Variants in CFHR5 observed in about 807,000 individuals in gnomAD.
The protein encoded by CFHR5 is complement factor H-related protein 5.
A neutral mutation model predicts 62.9 loss-of-function variants in CFHR5; 73 were observed. That is an observed-to-expected ratio of 1.16 (90% CI 0.96 to 1.41). The LOEUF is 1.41. Among genes scored for constraint, CFHR5 ranks in the 40% most tolerant of loss-of-function variants. The pLI is 0.00. For synonymous variants in CFHR5, 249 were observed against 227.2 expected (o/e 1.10, Z -0.86); for missense variants, 779 against 679.9 (o/e 1.15, Z -1.62).
intron 8 of CFHR5, among the ~76,000 whole-genome samples, chr1:197,003,452 A>G (rs1170600108): frequency 6.6e-6 from 1 of 152,150 alleles, no homozygotes; most frequent in African/African-American, 2.4e-5. Flanking sequence ...CACACAAGGA[A>G]AAAAGAGCCT....
At chr1:196,976,715 C>T (rs765658790), upstream of CFHR5, among the ~76,000 whole-genome samples, 1 of 151,692 alleles carries the variant, frequency 6.6e-6, no homozygotes, top group Non-Finnish European at 1.5e-5. Context: ...TAGCCATTCT[C>T]GAAGTCCCAC....
At position 196,993,357 on chromosome 1, in the gene CFHR5, C is replaced by G. The variant is rs571450088; in HGVS notation, c.431-723C>G. Among the ~76,000 whole-genome samples, 6 of 152,116 alleles carry G rather than the reference C, an allele frequency of 3.9e-5. No individual in the cohort carries two copies. In the South Asian group the frequency reaches 1.2e-3, roughly 32 times the overall value. On this transcript the variant is annotated intron_variant, in intron 3 of 9. Coordinates refer to ENST00000256785, the MANE Select transcript of CFHR5 (RefSeq NM_030787.4). ...TCACCCAGGCTGGAGTGTAGTGGTG[C>G]GATCTCGGCTCACTGCAACCTCCGC...
Position 196,978,023 on chromosome 1 carries a change from A to G in CFHR5, c.58+301A>G, listed in dbSNP as rs112687624. 3.5e-4 allele frequency among the ~76,000 whole-genome samples: 54 copies of G among 152,326 alleles called. 1 individual carries two copies. Among genetic ancestry groups the G allele is most frequent in the African/African-American group, 1.3e-3 (52 of 41,590 alleles). The stretch of plus-strand genomic sequence containing the variant: ...AATAAAGATGACAAGGTGAAATATT[A>G]GTGTAATTCTGCATAAACTCTGCAA... On this transcript the variant is annotated intron_variant, in intron 1 of 9. Transcript: ENST00000256785.
At chr1:196,997,149 A>G (rs1191194584) in intron 6 of CFHR5, among the ~76,000 whole-genome samples, 1 of 152,026 alleles carries the variant, frequency 6.6e-6, no homozygotes, top group Non-Finnish European at 1.5e-5. Flanking sequence ...GGACTTTTGG[A>G]TAATCAACTG....
At chr1:197,002,144 G>A (rs984231241) in intron 7 of CFHR5, among the ~76,000 whole-genome samples, 2 of 151,734 alleles carry the variant, frequency 1.3e-5, no homozygotes, top group South Asian at 2.1e-4. Flanking sequence ...ATAACTTTTT[G>A]AATCATATGG....
chr1:196,979,387 C>A (rs1419857719), intron 1 of CFHR5, among the ~76,000 whole-genome samples: 1 of 151,658 alleles, frequency 6.6e-6, no homozygotes, highest in Non-Finnish European at 1.5e-5. Flanking sequence ...TTACACAAAC[C>A]TAGATTGTAT....
chr1:197,006,366 T>G (rs1184241744), intron 9 of CFHR5, among the ~76,000 whole-genome samples: 2 of 151,966 alleles, frequency 1.3e-5, no homozygotes, highest in African/African-American at 4.8e-5. Context: ...AAATGTAAAA[T>G]AATTTTATTT....
intron 1 of CFHR5, among the ~76,000 whole-genome samples, chr1:196,982,677 C>CA (rs34187357): frequency 0.18 from 26,714 of 145,004 alleles, 3,947 homozygotes; most frequent in African/African-American, 0.42. Flanking sequence ...AACTCCCTCT[C>CA]AAAAAAAAAA....
chr1:196,996,310 C>T, intron 6 of CFHR5, 109 bp downstream of exon 6: 2 of 837,626 alleles, frequency 2.4e-6, no homozygotes, highest in Non-Finnish European at 4.0e-6. Context: ...ACTGACTCTT[C>T]CTTCCACAAG....
intron 9 of CFHR5, among the ~76,000 whole-genome samples, chr1:197,007,324 A>C (rs912133387): frequency 5.3e-5 from 8 of 152,248 alleles, no homozygotes; most frequent in African/African-American, 1.9e-4. Context: ...ATTTATGGAG[A>C]ATATTCTCAG....
At chr1:196,991,698 CTGCAGAACAGCAAATAT>C (rs1386214943) in intron 3 of CFHR5, among the ~76,000 whole-genome samples, 71 of 152,196 alleles carry the variant, frequency 4.7e-4, no homozygotes, top group Non-Finnish European at 2.2e-4. Context: ...CCAGCAGAGG[CTGCAGAACAGCAAATAT>C]TGCAGAACAG....
At chr1:197,002,899 T>C (rs1654190793) in intron 8 of CFHR5, among the ~76,000 whole-genome samples, 1 of 152,230 alleles carries the variant, frequency 6.6e-6, no homozygotes, top group Non-Finnish European at 1.5e-5. Flanking sequence ...ATCTTTTCTA[T>C]CATATTTTTA....
upstream of CFHR5, among the ~76,000 whole-genome samples, chr1:196,976,403 G>C (rs1286018959): frequency 6.6e-5 from 10 of 152,016 alleles, no homozygotes; most frequent in African/African-American, 2.4e-4. Context: ...GGATCCTCGG[G>C]CATGGACCTT....
intron 3 of CFHR5, among the ~76,000 whole-genome samples, chr1:196,990,669 T>C (rs1322036381): frequency 6.6e-6 from 1 of 152,172 alleles, no homozygotes; most frequent in Non-Finnish European, 1.5e-5. Flanking sequence ...GGTTGAAAAT[T>C]CTTGTCTTTA....
chr1:196,995,877 G>T lies in CFHR5; in HGVS notation c.768G>T (p.Trp256Cys), dbSNP rs200899274. 1 of 1,613,192 alleles carries T rather than the reference G, an allele frequency of 6.2e-7. No homozygotes were observed. Among genetic ancestry groups the T allele is most frequent in the Non-Finnish European group, 8.5e-7 (1 of 1,179,416 alleles). ...PKKIQCVDGE[W>C]TTLPTCVEQV... Reference sequence around the variant, plus strand: ...AAATACAATGTGTGGATGGAGAATGGACAACTTTACCCACTTGTGTTGGTA... The same window carrying T: ...AAATACAATGTGTGGATGGAGAATGTACAACTTTACCCACTTGTGTTGGTA... The change falls in exon 5 of 10, where the codon TGG becomes TGT. Residue 256 changes from tryptophan to cysteine, a missense_variant. Trp to Cys is a radical substitution (Grantham distance 215). Coordinates refer to ENST00000256785, the MANE Select transcript of CFHR5 (RefSeq NM_030787.4).
At chr1:196,983,579 T>C (rs1368429056) in intron 2 of CFHR5, among the ~76,000 whole-genome samples, 1 of 151,982 alleles carries the variant, frequency 6.6e-6, no homozygotes, top group African/African-American at 2.4e-5. Flanking sequence ...ACAGGTGCAT[T>C]AAAAAAGAAA....
At chr1:196,998,480 T>C (rs547793406) in intron 7 of CFHR5, among the ~76,000 whole-genome samples, 176 bp downstream of exon 7, 1 of 152,172 alleles carries the variant, frequency 6.6e-6, no homozygotes, top group Admixed American at 6.6e-5. Flanking sequence ...TTTAAAAGCC[T>C]TGGCTTTCTG....
Position 196,998,168 on chromosome 1 carries a change from T to C in CFHR5, c.1011T>C (p.Asn337=), listed in dbSNP as rs533809706. The change falls in exon 7 of 10, where the codon AAT becomes AAC. Residue 337 remains asparagine, a synonymous_variant. Transcript: ENST00000256785. The part of the protein sequence containing the change: ...QLKRCKIAGV[N]IKTLLKLSGK... ...AGAGGTGCAAAATAGCAGGAGTTAA[T>C]ATAAAAACATTACTCAAGCTATCTG... 2.5e-6 allele frequency: 4 copies of C among 1,584,890 alleles called. No homozygotes were observed. In the South Asian group the frequency reaches 4.6e-5, roughly 18 times the overall value.
At chr1:196,976,096 T>C (rs916500113), upstream of CFHR5, among the ~76,000 whole-genome samples, 6 of 152,152 alleles carry the variant, frequency 3.9e-5, no homozygotes, top group South Asian at 8.3e-4. Context: ...TTAGATACTT[T>C]AGGTAGTGTA....
Sources: allele counts gnomAD v4.1 joint callset (sites outside exome capture counted in the v4.1 genomes callset), GRCh38; gene constraint gnomAD v4.1.1; transcripts MANE v1.5; gene names NCBI Gene and HGNC (gene_info 2026-07-23, HGNC 2026-07-21).